Variants in PLCG2 observed in about 807,000 individuals in gnomAD.
PLCG2 encodes phospholipase C gamma 2, also known as 1-phosphatidylinositol 4,5-bisphosphate phosphodiesterase gamma-2.
In PLCG2, 69 loss-of-function variants were observed where a neutral mutation model predicts 175.6. The ratio of observed to expected loss-of-function variants is 0.39; its 90% CI spans 0.32 to 0.48. The LOEUF is 0.48. Among genes scored for constraint, PLCG2 ranks in the 20% least tolerant of loss-of-function variants. The pLI is 0.91. For synonymous variants in PLCG2, 827 were observed against 624.0 expected (o/e 1.33, Z -4.85); for missense variants, 1,798 against 1,650.9 (o/e 1.09, Z -1.54).
chr16:81,928,413 C>G lies in PLCG2; in HGVS notation c.2515-145C>G. On this transcript the variant is annotated intron_variant, in intron 23 of 32. Coordinates refer to ENST00000564138, the MANE Select transcript of PLCG2 (RefSeq NM_002661.5). ...GCTCCATGCTTCATTATTTAGCTCT[C>G]TCCCCATGGACGTATCTGGTAATGA... The G allele has an allele frequency of 3.3e-6, 2 of 611,088 alleles. 1 individual carries two copies. 37.9% of individuals were successfully genotyped at this position (611,088 alleles called of 1,614,324 possible).
rs149868832 is a variant in PLCG2, at chr16:81,740,471, G to C, written c.-145+1086G>C. ...GCTTCCTTTTCCCTGGCCAGGTGCA[G>C]TGGCTCACACCTGTAATCCCAGCAC... is the stretch of plus-strand genomic sequence containing the variant. On this transcript the variant is annotated intron_variant, in intron 1 of 5. Transcript: ENST00000565054. 351 of 152,412 alleles carry C rather than the reference G, an allele frequency of 2.3e-3. 3 individuals are homozygous for C. Among genetic ancestry groups the C allele is most frequent in the Non-Finnish European group, 3.9e-3 (266 of 68,278 alleles). 9.4% of individuals were successfully genotyped at this position (152,412 alleles called of 1,614,324 possible).
At chr16:81,928,863 G>T (rs952895401) in intron 24 of PLCG2, 5 of 441,724 alleles carry the variant, frequency 1.1e-5, no homozygotes, top group Non-Finnish European at 2.0e-5. Context: ...GTGCTAGATG[G>T]TGGTTAGCGG....
At chr16:81,769,819 CAAAAAAAAA>C (rs71146043) in intron 2 of PLCG2, among the ~76,000 whole-genome samples, 5 of 75,656 alleles carry the variant, frequency 6.6e-5, no homozygotes, top group East Asian at 4.8e-4. Context: ...GACTCCGTCT[CAAAAAAAAA>C]AAAAAAAAAA....
chr16:81,921,719 T>G (rs1910070065), intron 21 of PLCG2: 1 of 245,722 alleles, frequency 4.1e-6, no homozygotes, highest in African/African-American at 2.3e-5. Context: ...CTCCTTGCCA[T>G]GCTTTCATCT....
At chr16:81,877,928 T>G (rs1907884767) in intron 7 of PLCG2, among the ~76,000 whole-genome samples, 1 of 151,584 alleles carries the variant, frequency 6.6e-6, no homozygotes, top group African/African-American at 2.4e-5. Context: ...GGACCCCTTT[T>G]CTCTGTGTGC....
intron 2 of PLCG2, among the ~76,000 whole-genome samples, chr16:81,820,757 A>G (rs1904760203): frequency 6.6e-6 from 1 of 152,142 alleles, no homozygotes; most frequent in Non-Finnish European, 1.5e-5. Context: ...AGTAGCTGGG[A>G]TTACAGGTGC....
chr16:81,746,250 T>G (rs1909702107), intron 1 of PLCG2, among the ~76,000 whole-genome samples: 1 of 152,198 alleles, frequency 6.6e-6, no homozygotes, highest in Non-Finnish European at 1.5e-5. Flanking sequence ...GTTTATAACT[T>G]CATCTACTCG....
At chr16:81,911,558 C>T (rs1909622083) in intron 18 of PLCG2, among the ~76,000 whole-genome samples, 1 of 151,920 alleles carries the variant, frequency 6.6e-6, no homozygotes, top group Admixed American at 6.6e-5. Flanking sequence ...CCACCTCAGC[C>T]TCCTATCTGG....
intron 5 of PLCG2, among the ~76,000 whole-genome samples, chr16:81,860,354 C>A (rs982329476): frequency 6.6e-6 from 1 of 152,038 alleles, no homozygotes; most frequent in Admixed American, 6.5e-5. Context: ...CTGTGGAAAC[C>A]TTTGGGTCTA....
intron 31 of PLCG2, among the ~76,000 whole-genome samples, chr16:81,950,279 G>A (rs1003384303): frequency 1.3e-5 from 2 of 152,124 alleles, no homozygotes; most frequent in Non-Finnish European, 2.9e-5. Flanking sequence ...AATTGGGAAG[G>A]AAAAGTTAAC....
chr16:81,954,683 G>A (rs1003199607), intron 31 of PLCG2, among the ~76,000 whole-genome samples: 1 of 152,122 alleles, frequency 6.6e-6, no homozygotes, highest in Admixed American at 6.5e-5. Context: ...TCATTTTTGT[G>A]GCTGCATAGT....
intron 2 of PLCG2, among the ~76,000 whole-genome samples, chr16:81,804,195 A>G (rs1911888907): frequency 6.6e-6 from 1 of 152,176 alleles, no homozygotes; most frequent in African/African-American, 2.4e-5. Flanking sequence ...CAACTTCCCC[A>G]TGTCCTCGCC....
intron 6 of PLCG2, among the ~76,000 whole-genome samples, chr16:81,870,544 G>T (rs1238828535): frequency 1.3e-5 from 2 of 152,210 alleles, no homozygotes; most frequent in African/African-American, 4.8e-5. Flanking sequence ...CTCAAAGGAG[G>T]GTCTTACTTG....
In PLCG2 at chr16:81,894,403, T is replaced by G. The variant is rs1483422208; in HGVS notation, c.1072+609T>G. Among the ~76,000 whole-genome samples, 3 of 152,206 alleles carry G rather than the reference T, an allele frequency of 2.0e-5. No homozygotes were observed. The East Asian group carries it at 5.8e-4, about 29-fold the overall frequency. On this transcript the variant is annotated intron_variant, in intron 12 of 32. Coordinates refer to ENST00000564138, the MANE Select transcript of PLCG2 (RefSeq NM_002661.5). Reference sequence around the variant, plus strand: ...GTGATTGTGCCACTGCACTCTAGCCTGGGCAACAGAGCGAGACTCTGTGTC... The same window carrying G: ...GTGATTGTGCCACTGCACTCTAGCCGGGGCAACAGAGCGAGACTCTGTGTC...
rs773444784 is a variant in PLCG2, at chr16:81,936,318, G to A, written c.2992G>A (p.Asp998Asn). The change falls in exon 27 of 33, where the codon GAC (aspartate) becomes AAC (asparagine). Residue 998 changes from aspartate (D) to asparagine (N), a missense_variant. Transcript: ENST00000564138. ...ACAAAGAGTTGACTCTTCAAACTAC[G>A]ACCCCTTCCGCCTCTGGCTGTGCGG... ...KGQRVDSSNYDPFRLWLCGSQ... is the reference protein window; with the variant it reads ...KGQRVDSSNYNPFRLWLCGSQ... 9 of 1,614,012 alleles carry A rather than the reference G, an allele frequency of 5.6e-6. No homozygotes were observed. Among genetic ancestry groups the A allele is most frequent in the South Asian group, 2.2e-5 (2 of 91,076 alleles).
intron 2 of PLCG2, among the ~76,000 whole-genome samples, chr16:81,791,418 G>C (rs180683138): frequency 2.0e-5 from 3 of 152,220 alleles, no homozygotes; most frequent in Non-Finnish European, 2.9e-5. Flanking sequence ...TCATAGATCT[G>C]GGCAGAGCTC....
At chr16:81,820,707 G>C (rs1028174740) in intron 2 of PLCG2, among the ~76,000 whole-genome samples, 1 of 151,996 alleles carries the variant, frequency 6.6e-6, no homozygotes, top group Non-Finnish European at 1.5e-5. Context: ...TGCAGCTTCC[G>C]CCTCCCAGGT....
At chr16:81,891,705 G>A in intron 11 of PLCG2, 115 bp downstream of exon 11, 3 of 662,670 alleles carry the variant, frequency 4.5e-6, no homozygotes, top group Non-Finnish European at 8.3e-6. Context: ...GGAGGGTGTA[G>A]CACCGCATTC....
intron 12 of PLCG2, 195 bp from the exon 13 acceptor site, chr16:81,895,612 C>T: frequency 3.6e-6 from 2 of 552,884 alleles, no homozygotes; most frequent in Non-Finnish European, 6.4e-6. Context: ...TTGTCTTGGA[C>T]AGCTGCACTT....
Sources: allele counts gnomAD v4.1 joint callset (sites outside exome capture counted in the v4.1 genomes callset), GRCh38; gene constraint gnomAD v4.1.1; transcripts MANE v1.5; gene names NCBI Gene and HGNC (gene_info 2026-07-23, HGNC 2026-07-21).